Variants in CPA6 observed in about 807,000 individuals in gnomAD.
CPA6 encodes carboxypeptidase A6.
CPA6 carries 58 observed loss-of-function variants against 63.3 expected under a neutral mutation model. That is an observed-to-expected ratio of 0.92 (90% CI 0.74 to 1.14). The LOEUF (loss-of-function observed/expected upper bound fraction) is 1.14. Ranked by LOEUF, CPA6 falls within the 50% of genes most tolerant of loss-of-function variation. CPA6 has a pLI of 0.00. For missense variants in CPA6, 565 were observed against 526.6 expected (o/e 1.07, Z -0.71); for synonymous variants, 185 against 179.0 (o/e 1.03, Z -0.27).
At chr8:67,713,099 G>GTGTATGTATATA (rs1328463977) in intron 1 of CPA6, among the ~76,000 whole-genome samples, 1 of 55,026 alleles carries the variant, frequency 1.8e-5, no homozygotes. Flanking sequence ...GTGTGTGTGT[G>GTGTATGTATATA]TATATATATA....
At chr8:67,578,850 C>T (rs1338458628) in intron 2 of CPA6, among the ~76,000 whole-genome samples, 3 of 152,102 alleles carry the variant, frequency 2.0e-5, no homozygotes, top group African/African-American at 4.8e-5. Context: ...AAGAATTTCA[C>T]CTTTCCTTGC....
chr8:67,711,040 A>C (rs965100263), intron 1 of CPA6, among the ~76,000 whole-genome samples: 3 of 152,190 alleles, frequency 2.0e-5, no homozygotes, highest in Non-Finnish European at 4.4e-5. Flanking sequence ...GGCTAGGTCC[A>C]AAGTGCCTGG....
In CPA6 at chr8:67,608,925, A is replaced by C. The variant is rs145153604; in HGVS notation, c.192+15251T>G. Among the ~76,000 whole-genome samples the C allele has an allele frequency of 4.3e-3, 657 of 152,338 alleles. 11 individuals carry two copies. The highest frequency in any genetic ancestry group is 0.011 in the East Asian group (57 of 5,178). ...TGTAGGGAAGGTTGTGAAATACAGC[A>C]CCCATGTGGAGGAGAAGACAGAATT... On this transcript the variant is annotated intron_variant, in intron 2 of 10. Transcript: ENST00000297770.
intron 2 of CPA6, among the ~76,000 whole-genome samples, chr8:67,540,613 T>C (rs1263577734): frequency 6.6e-6 from 1 of 152,228 alleles, no homozygotes; most frequent in Non-Finnish European, 1.5e-5. Flanking sequence ...AGCCGCCCCT[T>C]CCTCCAGGTG....
chr8:67,652,767 G>C (rs1381833285), intron 1 of CPA6, among the ~76,000 whole-genome samples: 1 of 151,858 alleles, frequency 6.6e-6, no homozygotes, highest in African/African-American at 2.4e-5. Flanking sequence ...GTCAATTTTG[G>C]CTTTTGTTGC....
chr8:67,673,855 A>G (rs1394263021), intron 1 of CPA6, among the ~76,000 whole-genome samples: 1 of 152,202 alleles, frequency 6.6e-6, no homozygotes. Context: ...CAAAGACACA[A>G]ACAAATGGCT....
intron 2 of CPA6, among the ~76,000 whole-genome samples, chr8:67,545,580 T>TTTTTTTTTTTTTGG (rs750417027): frequency 1.6e-5 from 2 of 125,634 alleles, no homozygotes; most frequent in Non-Finnish European, 3.3e-5. Context: ...TTTTTTTTTT[T>TTTTTTTTTTTTTGG]TTTTGAGATG....
chr8:67,426,467 C>T (rs1476103484), intron 10 of CPA6, among the ~76,000 whole-genome samples: 2 of 151,238 alleles, frequency 1.3e-5, no homozygotes, highest in South Asian at 2.1e-4. Context: ...TTCAAGGTGG[C>T]CACTGAAAAA....
At chr8:67,467,109 A>C (rs952986928) in intron 8 of CPA6, among the ~76,000 whole-genome samples, 6 of 152,184 alleles carry the variant, frequency 3.9e-5, no homozygotes, top group African/African-American at 1.4e-4. Flanking sequence ...CACTCTTCTC[A>C]CTATAAATGA....
At chr8:67,582,916 G>A (rs1587594737) in intron 2 of CPA6, among the ~76,000 whole-genome samples, 1 of 152,078 alleles carries the variant, frequency 6.6e-6, no homozygotes, top group East Asian at 1.9e-4. Flanking sequence ...GAATTTTGGT[G>A]GGGTTTTGTG....
intron 2 of CPA6, among the ~76,000 whole-genome samples, chr8:67,554,708 G>C (rs917423568): frequency 6.6e-6 from 1 of 152,204 alleles, no homozygotes; most frequent in African/African-American, 2.4e-5. Flanking sequence ...CCTGGGGGCT[G>C]TTGGTGTGAG....
At chr8:67,710,644 G>A (rs769375593) in intron 1 of CPA6, among the ~76,000 whole-genome samples, 1 of 151,632 alleles carries the variant, frequency 6.6e-6, no homozygotes, top group Admixed American at 6.6e-5. Context: ...CAAAAGGGAG[G>A]GGGTATAATG....
rs61317091 is a variant in CPA6, at chr8:67,448,639, G to GAAAAAAAAAAAAAAAAAAAAAAAAA, written c.839-14400_839-14399insTTTTTTTTTTTTTTTTTTTTTTTTT. Among the ~76,000 whole-genome samples, 29 of 23,258 alleles carry GAAAAAAAAAAAAAAAAAAAAAAAAA rather than the reference G, an allele frequency of 1.2e-3. 1 individual carries two copies. The highest frequency in any genetic ancestry group is 2.8e-3 in the East Asian group (3 of 1,086). The allele number at this position is 23,258 out of a possible 152,430, so 15.3% of individuals were successfully genotyped here. A position where few individuals can be genotyped will look rare whatever the true frequency, so the allele number is the denominator to read the frequency against. On this transcript the variant is annotated intron_variant, in intron 8 of 10. Coordinates refer to ENST00000297770, the MANE Select transcript of CPA6 (RefSeq NM_020361.5). The stretch of plus-strand genomic sequence containing the variant: ...AGAGTGAGACCCTATCTCAAAAAAG[G>GAAAAAAAAAAAAAAAAAAAAAAAAA]AAAAAAAAAAAAAAAGGAAAGAACG...
chr8:67,686,570 C>T (rs1328634369), intron 1 of CPA6, among the ~76,000 whole-genome samples: 1 of 152,182 alleles, frequency 6.6e-6, no homozygotes, highest in Non-Finnish European at 1.5e-5. Flanking sequence ...ACCGCAAACC[C>T]ATTGTATACT....
chr8:67,598,672 G>T (rs944298821), intron 2 of CPA6, among the ~76,000 whole-genome samples: 5 of 152,048 alleles, frequency 3.3e-5, no homozygotes, highest in African/African-American at 1.2e-4. Flanking sequence ...AATAGACAAA[G>T]ACTTCTTTCA....
At chr8:67,605,741 C>T (rs1814620023) in intron 2 of CPA6, among the ~76,000 whole-genome samples, 1 of 152,014 alleles carries the variant, frequency 6.6e-6, no homozygotes, top group Non-Finnish European at 1.5e-5. Flanking sequence ...GAATGTACAT[C>T]GGCTCAAACT....
Position 67,457,738 on chromosome 8 carries a change from G to A in CPA6, c.839-23498C>T, listed in dbSNP as rs557917559. Among the ~76,000 whole-genome samples the A allele has an allele frequency of 5.3e-5, 8 of 152,172 alleles. 1 individual carries two copies. Among genetic ancestry groups the A allele is most frequent in the South Asian group, 4.1e-4 (2 of 4,828 alleles). On this transcript the variant is annotated intron_variant, in intron 8 of 10. Transcript: ENST00000297770. ...CATTGGCTCCTTGTGGGCAACATCAGTGTCAGTTCCTCAGCATGGTGTCCA... is the reference window on the plus strand; with the variant it reads ...CATTGGCTCCTTGTGGGCAACATCAATGTCAGTTCCTCAGCATGGTGTCCA...
Position 67,646,852 on chromosome 8 carries a change from C to T in CPA6, c.117-22601G>A, listed in dbSNP as rs184577195. ...CCTGTTTGAGGACAGGAAGACAGTC[C>T]ATGTTTCTGCAGCTGAGACTGGAAA... On this transcript the variant is annotated intron_variant, in intron 1 of 10. Transcript: ENST00000297770. Among the ~76,000 whole-genome samples, 472 of 152,244 alleles carry T rather than the reference C, an allele frequency of 3.1e-3. 2 individuals carry two copies. The highest frequency in any genetic ancestry group is 0.011 in the African/African-American group (456 of 41,556).
intron 2 of CPA6, among the ~76,000 whole-genome samples, chr8:67,532,825 A>G (rs940297154): frequency 6.6e-6 from 1 of 152,316 alleles, no homozygotes. Context: ...GGTATCACAA[A>G]ATTCACCTTT....
Sources: gnomAD v4.1 joint callset for allele counts (sites outside exome capture counted in the v4.1 genomes callset) on GRCh38, gnomAD v4.1.1 for gene constraint, MANE v1.5 for transcripts, NCBI Gene and HGNC (gene_info 2026-07-23, HGNC 2026-07-21) for gene names.